Variants in KIFAP3 observed in about 807,000 individuals in gnomAD.
The protein encoded by KIFAP3 is kinesin-associated protein 3.
Under a neutral mutation model 106.5 loss-of-function variants are expected in KIFAP3, and 68 were observed. The ratio of observed to expected loss-of-function variants is 0.64; its 90% CI spans 0.53 to 0.78. KIFAP3 has a LOEUF of 0.78. Ranked by LOEUF, KIFAP3 falls within the 30% of genes least tolerant of loss-of-function variation. KIFAP3 has a pLI of 0.00. For synonymous variants in KIFAP3, 320 were observed against 311.5 expected (o/e 1.03, Z -0.29); for missense variants, 780 against 941.8 (o/e 0.83, Z 2.25).
chr1:170,003,700 G>A (rs956394251), intron 10 of KIFAP3, among the ~76,000 whole-genome samples: 2 of 152,180 alleles, frequency 1.3e-5, no homozygotes, highest in African/African-American at 2.4e-5. Context: ...CGAGCTTGAT[G>A]GGACGTATTC....
intron 10 of KIFAP3, among the ~76,000 whole-genome samples, chr1:170,001,460 T>C (rs978289058): frequency 6.6e-6 from 1 of 152,282 alleles, no homozygotes; most frequent in Admixed American, 6.5e-5. Context: ...CATTAATAAC[T>C]TCAAGCAATC....
intron 19 of KIFAP3, among the ~76,000 whole-genome samples, chr1:169,949,698 T>C (rs900447855): frequency 1.8e-4 from 28 of 152,134 alleles, no homozygotes; most frequent in African/African-American, 6.8e-4. Context: ...AGTTCCACTT[T>C]ACTTTCTAAC....
At chr1:169,924,371 A>G (rs1663006853) in intron 19 of KIFAP3, among the ~76,000 whole-genome samples, 1 of 152,212 alleles carries the variant, frequency 6.6e-6, no homozygotes, top group Non-Finnish European at 1.5e-5. Context: ...TCGAATTTCT[A>G]TATACAAATA....
intron 16 of KIFAP3, among the ~76,000 whole-genome samples, chr1:169,973,452 A>AG (rs981922384): frequency 6.6e-6 from 1 of 150,588 alleles, no homozygotes; most frequent in African/African-American, 2.4e-5. Flanking sequence ...AAATTAAAAA[A>AG]AAGGTGCACA....
chr1:170,028,034 T>C (rs1669206317), intron 8 of KIFAP3, among the ~76,000 whole-genome samples: 1 of 152,242 alleles, frequency 6.6e-6, no homozygotes, highest in Non-Finnish European at 1.5e-5. Flanking sequence ...GTTGTCAACC[T>C]AGAGTTCTAA....
chr1:170,055,441 A>G lies in KIFAP3; in HGVS notation c.33-5T>C, dbSNP rs1402930161. ...ATATTCCCTCCTTTAACTTTCCTAT[A>G]ATACAAAATTGAAATGATATAACCA... is the stretch of plus-strand genomic sequence containing the variant. On this transcript the variant is annotated splice_polypyrimidine_tract_variant and splice_region_variant and intron_variant, in intron 1 of 19. Transcript: ENST00000361580. 1.9e-6 allele frequency: 3 copies of G among 1,573,188 alleles called. No individual in the cohort carries two copies. Among genetic ancestry groups the G allele is most frequent in the South Asian group, 1.2e-5 (1 of 84,970 alleles).
chr1:169,976,437 TTTC>T (rs1666223999), intron 16 of KIFAP3, among the ~76,000 whole-genome samples: 1 of 152,160 alleles, frequency 6.6e-6, no homozygotes, highest in African/African-American at 2.4e-5. Flanking sequence ...ACCTTTTTTT[TTTC>T]ATTAAGCAGC....
intron 18 of KIFAP3, among the ~76,000 whole-genome samples, chr1:169,958,627 T>C (rs1349653797): frequency 6.6e-6 from 1 of 152,186 alleles, no homozygotes; most frequent in Non-Finnish European, 1.5e-5. Flanking sequence ...ATTCCTGAGA[T>C]AGAACAAACC....
chr1:170,031,987 A>C lies in KIFAP3; in HGVS notation c.743-3T>G. ...TTGGTTTTCAGGGTCTTCATCAAGT[A>C]AACAACTTGTTAAGGATCATCCATA... On this transcript the variant is annotated splice_region_variant and splice_polypyrimidine_tract_variant and intron_variant, in intron 7 of 19. Transcript: ENST00000361580. 6.3e-7 allele frequency: 1 copy of C among 1,581,330 alleles called. No individual in the cohort carries two copies. Among genetic ancestry groups the C allele is most frequent in the South Asian group, 1.1e-5 (1 of 89,472 alleles).
intron 19 of KIFAP3, among the ~76,000 whole-genome samples, chr1:169,939,010 T>C (rs1460169132): frequency 6.6e-6 from 1 of 152,148 alleles, no homozygotes; most frequent in African/African-American, 2.4e-5. Flanking sequence ...AAGGACTTTA[T>C]AGAACATGGT....
chr1:170,076,213 A>G (rs74122313), upstream of KIFAP3, among the ~76,000 whole-genome samples: 2,122 of 152,312 alleles, frequency 0.014, 48 homozygotes, highest in African/African-American at 0.049. Context: ...TGAAAAAACA[A>G]TAGCAACAAC....
intron 10 of KIFAP3, among the ~76,000 whole-genome samples, chr1:170,012,055 C>A (rs1668268573): frequency 6.6e-6 from 1 of 151,886 alleles, no homozygotes; most frequent in Admixed American, 6.6e-5. Flanking sequence ...GGAATAGAAC[C>A]CTTGGGGAAC....
chr1:170,053,383 T>A (rs552870196), intron 2 of KIFAP3, among the ~76,000 whole-genome samples: 2 of 151,896 alleles, frequency 1.3e-5, no homozygotes, highest in East Asian at 3.9e-4. Context: ...TCCTCATGGA[T>A]AGGAAGAAAA....
intron 2 of KIFAP3, 63 bp downstream of exon 2, chr1:170,055,242 A>G: frequency 7.1e-7 from 1 of 1,416,900 alleles, no homozygotes; most frequent in Non-Finnish European, 9.6e-7. Flanking sequence ...AAATAATATC[A>G]GATTTGTATA....
intron 11 of KIFAP3, among the ~76,000 whole-genome samples, chr1:169,988,192 T>C (rs745728945): frequency 1.3e-4 from 20 of 152,196 alleles, no homozygotes; most frequent in Admixed American, 4.6e-4. Context: ...TAAAAGTGAA[T>C]TCTAATCTAA....
Position 170,035,573 on chromosome 1 carries a change from A to C in KIFAP3, c.518-20T>G. 6.7e-7 allele frequency: 1 copy of C among 1,482,586 alleles called. No homozygotes were observed. The allele number at this position is 1,482,586 out of a possible 1,614,324, so 91.8% of individuals were successfully genotyped here. A position where few individuals can be genotyped will look rare whatever the true frequency, so the allele number is the denominator to read the frequency against. On this transcript the variant is annotated intron_variant, in intron 5 of 19. Transcript: ENST00000361580. ...CAGTTTCTAAAGAAAAAGGAGAGGT[A>C]CCGAAACGATCATTCTCCTTGCTCT...
Position 170,038,405 on chromosome 1 carries a change from G to A in KIFAP3, c.402C>T (p.Asp134=). 1.9e-6 allele frequency: 3 copies of A among 1,607,706 alleles called. No homozygotes were observed. The highest frequency in any genetic ancestry group is 2.5e-6 in the Non-Finnish European group (3 of 1,178,282). ...MEIDEVANIN[D]MDEYIELLYE... The stretch of plus-strand genomic sequence containing the variant: ...ATAATAACTCAATATATTCATCCAT[G>A]TCATTAATGTTAGCAACTTCATCAA... Residue 134 remains aspartate (D), a synonymous_variant, in exon 5 of 20, where the codon GAC becomes GAT. Transcript: ENST00000361580.
intron 10 of KIFAP3, among the ~76,000 whole-genome samples, chr1:170,011,723 T>G (rs545401090): frequency 1.3e-5 from 2 of 152,186 alleles, no homozygotes; most frequent in South Asian, 4.1e-4. Flanking sequence ...TTCAAATTCA[T>G]GTCCTTTATA....
chr1:170,020,463 T>C (rs1218151346), intron 9 of KIFAP3, among the ~76,000 whole-genome samples: 1 of 152,160 alleles, frequency 6.6e-6, no homozygotes, highest in African/African-American at 2.4e-5. Flanking sequence ...ATTTTCTTTT[T>C]TATTTTTTTG....
Sources: gnomAD v4.1 joint callset for allele counts (sites outside exome capture counted in the v4.1 genomes callset) on GRCh38, gnomAD v4.1.1 for gene constraint, MANE v1.5 for transcripts, NCBI Gene and HGNC (gene_info 2026-07-23, HGNC 2026-07-21) for gene names.